SPATA17: variants seen among roughly 807,000 people sequenced by gnomAD.
The protein encoded by SPATA17 is spermatogenesis-associated protein 17.
In SPATA17, 53 loss-of-function variants were observed where a neutral mutation model predicts 62.2. The observed-to-expected ratio is 0.85, with a 90% confidence interval of 0.68 to 1.07. SPATA17 has a LOEUF of 1.07. Ranked by LOEUF, SPATA17 falls within the 50% of genes least tolerant of loss-of-function variation. The pLI, the probability that SPATA17 is intolerant of heterozygous loss-of-function variation, is 0.00. For synonymous variants in SPATA17, 146 were observed against 146.8 expected, an observed-to-expected ratio of 0.99 and a Z score of 0.04; for missense variants, 466 against 425.5, an observed-to-expected ratio of 1.10 and a Z score of -0.84.
At chr1:217,776,630 G>C (rs1673594191) in intron 7 of SPATA17, among the ~76,000 whole-genome samples, 1 of 148,884 alleles carries the variant, frequency 6.7e-6, no homozygotes. Flanking sequence ...CTTGAGCCCA[G>C]GAGTTCACAA....
At chr1:217,718,847 A>AT (rs1672063330) in intron 5 of SPATA17, among the ~76,000 whole-genome samples, 1 of 152,162 alleles carries the variant, frequency 6.6e-6, no homozygotes, top group Non-Finnish European at 1.5e-5. Context: ...GCTGCCAAAC[A>AT]AACAAACAAA....
At chr1:217,746,318 G>T (rs1369614216) in intron 6 of SPATA17, among the ~76,000 whole-genome samples, 4 of 151,822 alleles carry the variant, frequency 2.6e-5, no homozygotes, top group Non-Finnish European at 5.9e-5. Context: ...AAATCTAATA[G>T]GATTTTTAGC....
At chr1:217,708,155 C>A (rs977481453) in intron 5 of SPATA17, among the ~76,000 whole-genome samples, 2 of 152,050 alleles carry the variant, frequency 1.3e-5, no homozygotes, top group Non-Finnish European at 2.9e-5. Context: ...ACTAGAGAAA[C>A]AAGAACACAT....
chr1:217,753,388 C>T (rs1672961827), intron 6 of SPATA17, among the ~76,000 whole-genome samples: 1 of 152,140 alleles, frequency 6.6e-6, no homozygotes, highest in Non-Finnish European at 1.5e-5. Context: ...AGCCTTCAGA[C>T]AATTAAGTAA....
chr1:217,673,509 T>C (rs1670874877), intron 4 of SPATA17, among the ~76,000 whole-genome samples: 1 of 152,204 alleles, frequency 6.6e-6, no homozygotes, highest in South Asian at 2.1e-4. Flanking sequence ...TTCTACTCCA[T>C]TGTGGATCCT....
At chr1:217,732,995 A>T (rs1188364196) in intron 5 of SPATA17, among the ~76,000 whole-genome samples, 1 of 152,130 alleles carries the variant, frequency 6.6e-6, no homozygotes, top group Non-Finnish European at 1.5e-5. Flanking sequence ...AACCAAGTTG[A>T]TTCAAAAATG....
chr1:217,774,735 C>T (rs1443656029), intron 7 of SPATA17, among the ~76,000 whole-genome samples, 198 bp downstream of exon 7: 1 of 152,188 alleles, frequency 6.6e-6, no homozygotes, highest in East Asian at 1.9e-4. Flanking sequence ...CACTAAACAA[C>T]TCTCCATTTC....
At chr1:217,652,518 G>A (rs1285151655) in intron 3 of SPATA17, among the ~76,000 whole-genome samples, 4 of 152,006 alleles carry the variant, frequency 2.6e-5, no homozygotes, top group Admixed American at 6.6e-5. Flanking sequence ...ACAGGTGTGA[G>A]CCACCACGCC....
At chr1:217,742,656 A>C (rs1319692464) in intron 6 of SPATA17, among the ~76,000 whole-genome samples, 1 of 152,128 alleles carries the variant, frequency 6.6e-6, no homozygotes, top group Admixed American at 6.5e-5. Context: ...AATACCCTGG[A>C]TTTTGTCCTG....
intron 9 of SPATA17, among the ~76,000 whole-genome samples, chr1:217,826,137 G>C (rs1370857087): frequency 6.6e-6 from 1 of 152,046 alleles, no homozygotes. Context: ...TCCAAGCTCA[G>C]GGTCAGTTTC....
chr1:217,778,327 A>C (rs61825812), intron 7 of SPATA17, among the ~76,000 whole-genome samples: 4,699 of 152,138 alleles, frequency 0.031, 105 homozygotes, highest in Middle Eastern at 0.058. Context: ...TCGAGACCAG[A>C]CTGGCCAACA....
At chr1:217,779,658 T>G (rs1673687163) in intron 7 of SPATA17, among the ~76,000 whole-genome samples, 2 of 152,062 alleles carry the variant, frequency 1.3e-5, no homozygotes, top group African/African-American at 4.8e-5. Flanking sequence ...AAAATGGGAT[T>G]GTTTTACATT....
intron 8 of SPATA17, among the ~76,000 whole-genome samples, chr1:217,783,602 G>T (rs2102977720): frequency 6.6e-6 from 1 of 152,110 alleles, no homozygotes; most frequent in East Asian, 1.9e-4. Flanking sequence ...AAAATTTAGT[G>T]ATGATTATCT....
At chr1:217,853,110 T>A (rs964181629) in intron 9 of SPATA17, among the ~76,000 whole-genome samples, 7 of 152,034 alleles carry the variant, frequency 4.6e-5, no homozygotes, top group Non-Finnish European at 1.0e-4. Flanking sequence ...AAAGAAAGAG[T>A]GAATGAATAA....
At chr1:217,733,855 C>G (rs142666862) in intron 5 of SPATA17, among the ~76,000 whole-genome samples, 5 of 152,264 alleles carry the variant, frequency 3.3e-5, no homozygotes, top group African/African-American at 1.2e-4. Context: ...GTGTGAAACT[C>G]AGGCGCAACC....
intron 2 of SPATA17, among the ~76,000 whole-genome samples, chr1:217,650,608 CAG>C (rs1670287365): frequency 1.3e-5 from 2 of 151,674 alleles, no homozygotes; most frequent in African/African-American, 2.4e-5. Flanking sequence ...TTAGTAGAGA[CAG>C]GGGCGGTTTC....
At chr1:217,793,828 AAAGG>A (rs1674065912) in intron 8 of SPATA17, among the ~76,000 whole-genome samples, 1 of 152,004 alleles carries the variant, frequency 6.6e-6, no homozygotes, top group South Asian at 2.1e-4. Context: ...TGAAAACTGA[AAAGG>A]AGGCCGGGTG....
intron 9 of SPATA17, among the ~76,000 whole-genome samples, chr1:217,852,825 T>C (rs1675695849): frequency 6.6e-6 from 1 of 152,194 alleles, no homozygotes; most frequent in Non-Finnish European, 1.5e-5. Context: ...TCACCTCCTT[T>C]GGGTTTGTCC....
chr1:217,860,027 T>C (rs1675866809), intron 9 of SPATA17, among the ~76,000 whole-genome samples: 1 of 152,184 alleles, frequency 6.6e-6, no homozygotes. Context: ...TTTTCTAGTA[T>C]ATGCATTTAG....
Sources: gnomAD v4.1 joint callset for allele counts (sites outside exome capture counted in the v4.1 genomes callset) on GRCh38, gnomAD v4.1.1 for gene constraint, MANE v1.5 for transcripts, NCBI Gene and HGNC (gene_info 2026-07-23, HGNC 2026-07-21) for gene names.